YAP1: variants seen among roughly 807,000 people sequenced by gnomAD.
The protein encoded by YAP1 is transcriptional coactivator YAP1.
In YAP1, 5 loss-of-function variants were observed where a neutral mutation model predicts 56.9. The observed-to-expected ratio is 0.09, with a 90% CI of 0.05 to 0.18. The LOEUF (loss-of-function observed/expected upper bound fraction) is 0.18. Ranked by LOEUF, YAP1 falls within the 10% of genes least tolerant of loss-of-function variation. YAP1 has a pLI of 1.00. For synonymous variants in YAP1, 265 were observed against 248.1 expected (o/e 1.07, Z -0.64); for missense variants, 539 against 651.8 (o/e 0.83, Z 1.88).
intron 2 of YAP1, among the ~76,000 whole-genome samples, chr11:102,156,906 C>CT (rs998272107): frequency 1.3e-5 from 2 of 152,144 alleles, no homozygotes; most frequent in African/African-American, 4.8e-5. Flanking sequence ...CAGCATGTCA[C>CT]TTTTTTTGTC....
At chr11:102,178,065 C>T (rs1261481958) in intron 3 of YAP1, among the ~76,000 whole-genome samples, 1 of 152,134 alleles carries the variant, frequency 6.6e-6, no homozygotes, top group Non-Finnish European at 1.5e-5. Flanking sequence ...GATTCCTCAT[C>T]TGTAAAGTGG....
intron 2 of YAP1, among the ~76,000 whole-genome samples, chr11:102,133,970 C>CA (rs1221513198): frequency 6.6e-6 from 1 of 152,154 alleles, no homozygotes; most frequent in Non-Finnish European, 1.5e-5. Context: ...TACACACTGT[C>CA]ATGTCATTTT....
At position 102,159,128 on chromosome 11, in the gene YAP1, A is replaced by G. The variant is rs1187944806; in HGVS notation, c.573-3328A>G. ...GTTGTTCCCCTTCCCCTAGGAGCCA[A>G]TATAGTCTACACTTGCTGAGTTCCT... On this transcript the variant is annotated intron_variant, in intron 2 of 8. Coordinates refer to ENST00000282441, the MANE Select transcript of YAP1 (RefSeq NM_001130145.3). Among the ~76,000 whole-genome samples the G allele has an allele frequency of 2.0e-4, 30 of 152,138 alleles. 1 individual carries two copies. The highest frequency in any genetic ancestry group is 1.5e-3 in the Admixed American group (23 of 15,278).
At chr11:102,134,945 C>G (rs1388397708) in intron 2 of YAP1, among the ~76,000 whole-genome samples, 1 of 152,118 alleles carries the variant, frequency 6.6e-6, no homozygotes, top group Non-Finnish European at 1.5e-5. Context: ...GTGGCGCAGC[C>G]TCAGCTCACT....
intron 2 of YAP1, among the ~76,000 whole-genome samples, chr11:102,159,519 G>A (rs1946145704): frequency 6.6e-6 from 1 of 152,104 alleles, no homozygotes; most frequent in African/African-American, 2.4e-5. Flanking sequence ...TCACTTAACT[G>A]AACTCTTATC....
intron 2 of YAP1, among the ~76,000 whole-genome samples, chr11:102,156,169 A>G (rs1655992341): frequency 6.6e-6 from 1 of 152,234 alleles, no homozygotes; most frequent in Admixed American, 6.5e-5. Flanking sequence ...CATTTAAAAT[A>G]GTATTTGTTC....
chr11:102,215,801 G>C (rs546385713), intron 6 of YAP1, among the ~76,000 whole-genome samples: 1 of 152,250 alleles, frequency 6.6e-6, no homozygotes, highest in South Asian at 2.1e-4. Context: ...TATATGCAAC[G>C]AACATAGTAT....
intron 2 of YAP1, among the ~76,000 whole-genome samples, chr11:102,117,365 GA>G (rs1338377281): frequency 1.3e-5 from 2 of 152,126 alleles, no homozygotes; most frequent in African/African-American, 4.8e-5. Context: ...CATCTTTTTA[GA>G]TATTTGTTGG....
Position 102,153,546 on chromosome 11 carries a change from T to TA in YAP1, c.573-8909dup, listed in dbSNP as rs1945781941. Among the ~76,000 whole-genome samples, 6 of 152,342 alleles carry TA rather than the reference T, an allele frequency of 3.9e-5. No individual in the cohort carries two copies. The South Asian group carries it at 1.2e-3, about 32-fold the overall frequency. ...TATCAGTTATTTTCTATGTGTTTAT[T>TA]ATATGTGAATTAGAAATTCAATGAA... On this transcript the variant is annotated intron_variant, in intron 2 of 8. Transcript: ENST00000282441.
At chr11:102,147,784 C>T (rs138686967) in intron 2 of YAP1, among the ~76,000 whole-genome samples, 26 of 152,160 alleles carry the variant, frequency 1.7e-4, no homozygotes, top group Non-Finnish European at 2.9e-4. Context: ...CTTTTGCTTA[C>T]GTATTTTAGT....
rs1357401794 is a variant in YAP1, at chr11:102,229,730, C to G, written c.1305C>G (p.Pro435=). The part of the protein sequence containing the change: ...TGDTINQSTL[P]SQQNRFPDYL... ...ATACTATCAACCAAAGCACCCTGCC[C>G]TCACAGCAGAACCGTTTCCCAGACT... Residue 435 remains proline (P), a synonymous_variant, in exon 9 of 9, where the codon CCC becomes CCG. Coordinates refer to ENST00000282441, the MANE Select transcript of YAP1 (RefSeq NM_001130145.3). The G allele has an allele frequency of 2.5e-6, 4 of 1,614,040 alleles. No homozygotes were observed. The highest frequency in any genetic ancestry group is 3.4e-6 in the Non-Finnish European group (4 of 1,179,998).
chr11:102,185,414 A>G (rs536157022), intron 3 of YAP1, among the ~76,000 whole-genome samples: 7 of 152,156 alleles, frequency 4.6e-5, no homozygotes, highest in South Asian at 2.1e-4. Flanking sequence ...TTAAACTTCA[A>G]ATTGCAACCC....
intron 1 of YAP1, chr11:102,112,306 G>A: frequency 2.7e-6 from 2 of 753,898 alleles, no homozygotes; most frequent in Non-Finnish European, 3.2e-6. Flanking sequence ...CGATTATTGT[G>A]CCAACTTGAT....
At chr11:102,124,091 A>G (rs1282541302) in intron 2 of YAP1, among the ~76,000 whole-genome samples, 1 of 151,918 alleles carries the variant, frequency 6.6e-6, no homozygotes, top group Admixed American at 6.6e-5. Flanking sequence ...AGCCGGGATT[A>G]CAGGCGTGTG....
intron 3 of YAP1, among the ~76,000 whole-genome samples, chr11:102,179,925 TAGAA>T (rs1947484075): frequency 1.3e-5 from 2 of 151,874 alleles, no homozygotes; most frequent in African/African-American, 2.4e-5. Context: ...TGAGCTTACA[TAGAA>T]AGAATGAAAC....
chr11:102,228,338 A>G (rs1299497685), intron 8 of YAP1, among the ~76,000 whole-genome samples: 1 of 152,094 alleles, frequency 6.6e-6, no homozygotes, highest in Non-Finnish European at 1.5e-5. Flanking sequence ...TTACTTTGTT[A>G]GAATAGTTGC....
intron 2 of YAP1, among the ~76,000 whole-genome samples, chr11:102,136,084 G>T (rs1028584414): frequency 2.6e-5 from 4 of 152,104 alleles, no homozygotes; most frequent in African/African-American, 4.8e-5. Flanking sequence ...GGAATTGCTG[G>T]GTCACAGGGT....
chr11:102,120,420 G>A (rs553765443), intron 2 of YAP1, among the ~76,000 whole-genome samples: 217 of 152,298 alleles, frequency 1.4e-3, no homozygotes, highest in African/African-American at 5.1e-3. Flanking sequence ...GAATGATGTT[G>A]CAAATTAATA....
intron 3 of YAP1, among the ~76,000 whole-genome samples, chr11:102,168,321 T>TAATCCAGAAATAAC (rs1202983519): frequency 4.6e-5 from 7 of 152,212 alleles, no homozygotes; most frequent in African/African-American, 1.7e-4. Flanking sequence ...TATTCTGTGA[T>TAATCCAGAAATAAC]AATCCAGAAA....
Sources: gnomAD v4.1 joint callset for allele counts (sites outside exome capture counted in the v4.1 genomes callset) on GRCh38, gnomAD v4.1.1 for gene constraint, MANE v1.5 for transcripts, NCBI Gene and HGNC (gene_info 2026-07-23, HGNC 2026-07-21) for gene names.